CLIC2: variants seen among roughly 807,000 people sequenced by gnomAD.
CLIC2 encodes the protein CLIC family member 2.
A neutral mutation model predicts 14.8 loss-of-function variants in CLIC2; 9 were observed. That is an observed-to-expected ratio of 0.61 (90% CI 0.37 to 1.06). CLIC2 has a LOEUF of 1.06. CLIC2 is among the 50% of genes least tolerant of loss of function. The pLI, the probability that CLIC2 is intolerant of heterozygous loss-of-function variation, is 0.01. For missense variants in CLIC2, 148 were observed against 181.4 expected (o/e 0.82, Z 1.06); for synonymous variants, 61 against 66.3 (o/e 0.92, Z 0.39).
chrX:155,291,079 A>T, intron 3 of CLIC2: 1 of 880,584 alleles, frequency 1.1e-6, no homozygotes, highest in Non-Finnish European at 1.7e-6. Flanking sequence ...GCTGCATATA[A>T]CCTTTTTTGA....
At chrX:155,284,751 G>A (rs2074935430) in intron 3 of CLIC2, among the ~76,000 whole-genome samples, 1 of 111,665 alleles carries the variant, frequency 9.0e-6, no homozygotes, top group South Asian at 3.8e-4. Flanking sequence ...GGAACCACCA[G>A]ATAGGTCAAA....
rs1034821626 is a variant in CLIC2 at position 155,299,284 on chromosome X, A to C, written c.58-139T>G. The C allele has an allele frequency of 1.5e-5, 7 of 476,030 alleles. No individual in the cohort carries two copies. The African/African-American group carries it at 1.7e-4, about 11-fold the overall frequency. The allele number at this position is 476,030 out of a possible 1,213,427, so 39.2% of individuals were successfully genotyped here. A position where few individuals can be genotyped will look rare whatever the true frequency, so the allele number is the denominator to read the frequency against. On this transcript the variant is annotated intron_variant, in intron 1 of 5. Coordinates refer to ENST00000369449, the MANE Select transcript of CLIC2 (RefSeq NM_001289.6). Reference sequence around the variant, plus strand: ...TGTACTCCATCATCTATGGACAGAGAGATATAGGGAAGCAAATAATCTCAT... The same window carrying C: ...TGTACTCCATCATCTATGGACAGAGCGATATAGGGAAGCAAATAATCTCAT...
At chrX:155,291,089 A>G in intron 3 of CLIC2, 1 of 920,557 alleles carries the variant, frequency 1.1e-6, no homozygotes, top group Non-Finnish European at 1.6e-6. Context: ...ACCTTTTTTG[A>G]CGGACATGAG....
intron 1 of CLIC2, among the ~76,000 whole-genome samples, chrX:155,308,075 G>A (rs892709500): frequency 3.6e-5 from 4 of 109,713 alleles, no homozygotes; most frequent in Admixed American, 9.8e-5. Context: ...AACTAAATAA[G>A]GCACTAGGGA....
intron 1 of CLIC2, among the ~76,000 whole-genome samples, chrX:155,307,270 G>A (rs112165930): frequency 0.017 from 1,901 of 111,160 alleles, 52 homozygotes; most frequent in African/African-American, 0.059. Flanking sequence ...TGAGGAAGTA[G>A]CATTTAAACT....
At chrX:155,292,559 A>T (rs2074972674) in intron 3 of CLIC2, 1 of 424,585 alleles carries the variant, frequency 2.4e-6, no homozygotes, top group Admixed American at 3.7e-5. Context: ...TCACGAGGTC[A>T]GGAGATCGAG....
intron 3 of CLIC2, among the ~76,000 whole-genome samples, chrX:155,293,667 G>T (rs2074982788): frequency 9.0e-6 from 1 of 111,669 alleles, no homozygotes; most frequent in South Asian, 3.7e-4. Flanking sequence ...GTACTTACAA[G>T]AGACTCACCT....
Position 155,290,914 on chromosome X carries a change from A to G in CLIC2, c.293+7871T>C, listed in dbSNP as rs1214549657. 2.4e-5 allele frequency: 17 copies of G among 697,096 alleles called. No individual in the cohort carries two copies. In the East Asian group the frequency reaches 5.4e-4, roughly 22 times the overall value. The allele number at this position is 697,096 out of a possible 1,213,427, so 57.4% of individuals were successfully genotyped here. A position where few individuals can be genotyped will look rare whatever the true frequency, so the allele number is the denominator to read the frequency against. On this transcript the variant is annotated intron_variant, in intron 3 of 5. Coordinates refer to ENST00000369449, the MANE Select transcript of CLIC2 (RefSeq NM_001289.6). ...TCTGTACCTCATTGATTTTAATGTC[A>G]TAATTCTTCCTCAGCTGCAGTCAGT...
intron 1 of CLIC2, among the ~76,000 whole-genome samples, chrX:155,299,570 CCTTT>C (rs1233704978): frequency 9.1e-6 from 1 of 109,395 alleles, no homozygotes; most frequent in Non-Finnish European, 1.9e-5. Flanking sequence ...TACCAAATTT[CCTTT>C]CTTTTTTTTT....
At chrX:155,326,296 G>T (rs1402642995) in intron 1 of CLIC2, among the ~76,000 whole-genome samples, 1 of 111,457 alleles carries the variant, frequency 9.0e-6, no homozygotes, top group Non-Finnish European at 1.9e-5. Context: ...CAAAGGACAT[G>T]GACAGACATT....
At chrX:155,306,628 A>G (rs782348916) in intron 1 of CLIC2, among the ~76,000 whole-genome samples, 35 of 111,505 alleles carry the variant, frequency 3.1e-4, no homozygotes, top group Non-Finnish European at 2.4e-4. Flanking sequence ...CTGTACAAAC[A>G]TGGCACCAGC....
At chrX:155,333,224 T>A (rs1038500756) in intron 1 of CLIC2, among the ~76,000 whole-genome samples, 3 of 111,837 alleles carry the variant, frequency 2.7e-5, no homozygotes, top group Non-Finnish European at 5.7e-5. Context: ...TAAGTATATC[T>A]TATTTTATGT....
chrX:155,292,414 G>A, intron 3 of CLIC2: 2 of 561,786 alleles, frequency 3.6e-6, no homozygotes, highest in Non-Finnish European at 3.3e-6. Context: ...GAACGTCAAC[G>A]AATTACAGAC....
At chrX:155,313,204 A>AC (rs1426069353) in intron 1 of CLIC2, among the ~76,000 whole-genome samples, 3 of 109,112 alleles carry the variant, frequency 2.7e-5, no homozygotes, top group African/African-American at 1.0e-4. Context: ...AGGCAAAAAA[A>AC]AAAAAAAAAA....
Position 155,298,862 on chromosome X carries a change from G to T in CLIC2, c.216C>A (p.Phe72Leu), listed in dbSNP as rs1286501692. 1 of 1,206,261 alleles carries T rather than the reference G, an allele frequency of 8.3e-7. No homozygotes were observed. The highest frequency in any genetic ancestry group is 1.8e-5 in the African/African-American group (1 of 57,041). ...TTTTCAACTCCTTGTTATACACCAG[G>T]AACGGAGGATTGGTACCTGGGGCTA... ...KDLAPGTNPP[F>L]LVYNKELKTD... The change falls in exon 3 of 6, where the codon TTC becomes TTA. Residue 72 changes from phenylalanine to leucine, a missense_variant. Coordinates refer to ENST00000369449, the MANE Select transcript of CLIC2 (RefSeq NM_001289.6).
intron 1 of CLIC2, among the ~76,000 whole-genome samples, chrX:155,311,000 G>A (rs1405735664): frequency 1.8e-5 from 2 of 111,813 alleles, no homozygotes; most frequent in Admixed American, 9.5e-5. Flanking sequence ...GGGACCCTGC[G>A]CCCAGCCCAC....
intron 3 of CLIC2, among the ~76,000 whole-genome samples, chrX:155,298,102 G>T (rs1172969138): frequency 9.2e-6 from 1 of 108,948 alleles, no homozygotes; most frequent in African/African-American, 3.3e-5. Context: ...GAGTCACCTG[G>T]GCCCCATATG....
intron 4 of CLIC2, among the ~76,000 whole-genome samples, 155 bp downstream of exon 4, chrX:155,279,807 C>T (rs2074912104): frequency 9.0e-6 from 1 of 111,448 alleles, no homozygotes; most frequent in African/African-American, 3.3e-5. Context: ...TCTAATACAA[C>T]TTCATGCGAG....
chrX:155,289,079 G>A (rs1254763863), intron 3 of CLIC2, among the ~76,000 whole-genome samples: 1 of 110,105 alleles, frequency 9.1e-6, no homozygotes, highest in Non-Finnish European at 1.9e-5. Flanking sequence ...TGGAGGCAGA[G>A]GTTGCAGTGA....
Sources: gnomAD v4.1 joint callset for allele counts (sites outside exome capture counted in the v4.1 genomes callset) on GRCh38, gnomAD v4.1.1 for gene constraint, MANE v1.5 for transcripts, NCBI Gene and HGNC (gene_info 2026-07-23, HGNC 2026-07-21) for gene names.